The following ULK4 variants were observed in gnomAD, a reference collection of about 807,000 sequenced individuals.
The protein encoded by ULK4 is inactive serine/threonine-protein kinase ULK4.
ULK4 carries 133 observed loss-of-function variants against 160.6 expected under a neutral mutation model. The observed-to-expected ratio is 0.83, with a 90% CI of 0.72 to 0.96. ULK4 has a LOEUF of 0.96. Among genes scored for constraint, ULK4 ranks in the 40% least tolerant of loss-of-function variants. ULK4 has a pLI of 0.00. For synonymous variants in ULK4, 534 were observed against 539.8 expected, an observed-to-expected ratio of 0.99 and a Z score of 0.15; for missense variants, 1,580 against 1,499.5, an observed-to-expected ratio of 1.05 and a Z score of -0.89.
At chr3:41,736,252 C>T (rs2038045699) in intron 22 of ULK4, among the ~76,000 whole-genome samples, 1 of 151,668 alleles carries the variant, frequency 6.6e-6, no homozygotes, top group Non-Finnish European at 1.5e-5. Context: ...TTCTAGATCA[C>T]TGAGGAATCG....
At chr3:41,447,399 A>C (rs1369965095) in intron 34 of ULK4, among the ~76,000 whole-genome samples, 2 of 152,184 alleles carry the variant, frequency 1.3e-5, no homozygotes, top group African/African-American at 4.8e-5. Context: ...ATATCCCGCC[A>C]CATAAATGCA....
At chr3:41,450,003 A>T (rs190877069) in intron 34 of ULK4, among the ~76,000 whole-genome samples, 1 of 151,152 alleles carries the variant, frequency 6.6e-6, no homozygotes, top group South Asian at 2.1e-4. Flanking sequence ...AACAATATAA[A>T]TTAGTCTAAA....
intron 35 of ULK4, among the ~76,000 whole-genome samples, chr3:41,286,018 C>A (rs1355222392): frequency 6.6e-6 from 1 of 152,194 alleles, no homozygotes; most frequent in Non-Finnish European, 1.5e-5. Flanking sequence ...ATTTTATATT[C>A]TTTTTATTGA....
Position 41,918,486 on chromosome 3 carries a change from C to T in ULK4, c.698G>A (p.Cys233Tyr), listed in dbSNP as rs760297546. ...CGGAATAGGTGGCAAAGGATCTTCA[C>T]ATAAGATCTTTTCAGTTAATTCTGA... is the stretch of plus-strand genomic sequence containing the variant. ...SISELTEKIL[C>Y]EDPLPPIPKD... The change falls in exon 7 of 37, where the codon TGT (cysteine) becomes TAT (tyrosine). Residue 233 changes from cysteine (C) to tyrosine (Y), a missense_variant. Transcript: ENST00000301831. 3 of 1,581,586 alleles carry T rather than the reference C, an allele frequency of 1.9e-6. No homozygotes were observed. The highest frequency in any genetic ancestry group is 4.5e-5 in the East Asian group (2 of 44,118).
intron 16 of ULK4, among the ~76,000 whole-genome samples, chr3:41,885,000 G>A (rs1319684372): frequency 2.0e-5 from 3 of 152,086 alleles, no homozygotes; most frequent in East Asian, 1.9e-4. Context: ...GGGACTGTAG[G>A]CATGCACCAC....
intron 17 of ULK4, among the ~76,000 whole-genome samples, chr3:41,845,244 G>A (rs781779899): frequency 2.7e-4 from 41 of 152,228 alleles, no homozygotes; most frequent in Non-Finnish European, 3.4e-4. Context: ...GATTACAGGC[G>A]TGAGCCACCG....
At chr3:41,736,007 C>A (rs948016860) in intron 22 of ULK4, among the ~76,000 whole-genome samples, 4 of 151,640 alleles carry the variant, frequency 2.6e-5, no homozygotes, top group Non-Finnish European at 5.9e-5. Flanking sequence ...CATGTCCCTA[C>A]AAAGGACATG....
intron 27 of ULK4, among the ~76,000 whole-genome samples, chr3:41,697,505 ATGAG>A (rs2036540081): frequency 1.3e-5 from 2 of 152,250 alleles, no homozygotes; most frequent in Admixed American, 6.5e-5. Context: ...GTGTTTTAAA[ATGAG>A]TGTCATTACA....
At chr3:41,957,729 T>A (rs1006459104) in intron 1 of ULK4, among the ~76,000 whole-genome samples, 7 of 148,276 alleles carry the variant, frequency 4.7e-5, no homozygotes, top group African/African-American at 1.2e-4. Context: ...AAAAAAAAAA[T>A]TAAAAATTAA....
chr3:41,845,112 C>T (rs991656821), intron 17 of ULK4, among the ~76,000 whole-genome samples: 8 of 152,004 alleles, frequency 5.3e-5, no homozygotes, highest in Non-Finnish European at 1.0e-4. Flanking sequence ...ACTACAGGCA[C>T]CCACCACCAC....
At chr3:41,790,719 T>C (rs2040124912) in intron 20 of ULK4, among the ~76,000 whole-genome samples, 1 of 152,058 alleles carries the variant, frequency 6.6e-6, no homozygotes, top group Non-Finnish European at 1.5e-5. Context: ...AAGTACACAG[T>C]AGGAAAGAAG....
intron 22 of ULK4, among the ~76,000 whole-genome samples, chr3:41,733,827 C>G (rs1019433536): frequency 4.6e-5 from 7 of 150,584 alleles, no homozygotes; most frequent in African/African-American, 1.7e-4. Flanking sequence ...CTCCACCTCC[C>G]GGGTTCAAGC....
chr3:41,262,287 A>G (rs2078960760), intron 35 of ULK4, among the ~76,000 whole-genome samples: 1 of 152,218 alleles, frequency 6.6e-6, no homozygotes, highest in African/African-American at 2.4e-5. Flanking sequence ...CCAGGGGCCC[A>G]GGTTCCCAAG....
intron 27 of ULK4, among the ~76,000 whole-genome samples, chr3:41,695,194 C>A (rs1339549213): frequency 1.3e-5 from 2 of 152,214 alleles, no homozygotes; most frequent in Admixed American, 1.3e-4. Context: ...TAATCATCTC[C>A]TGAAGTCCCC....
intron 17 of ULK4, among the ~76,000 whole-genome samples, chr3:41,837,209 T>C (rs889813734): frequency 6.6e-6 from 1 of 152,242 alleles, no homozygotes; most frequent in Admixed American, 6.5e-5. Context: ...TACTTGTTAA[T>C]GTGCGATTTA....
At chr3:41,593,958 T>C (rs1163041323) in intron 31 of ULK4, among the ~76,000 whole-genome samples, 2 of 151,618 alleles carry the variant, frequency 1.3e-5, no homozygotes, top group African/African-American at 2.4e-5. Context: ...GGTGGGAAGA[T>C]GGATTGAGCC....
intron 35 of ULK4, among the ~76,000 whole-genome samples, chr3:41,351,526 C>A (rs1337794632): frequency 6.6e-6 from 1 of 152,176 alleles, no homozygotes; most frequent in African/African-American, 2.4e-5. Flanking sequence ...AGGGATTCCA[C>A]AGTGGTTGGT....
chr3:41,631,000 T>C (rs532525128), intron 30 of ULK4, among the ~76,000 whole-genome samples: 2 of 152,352 alleles, frequency 1.3e-5, no homozygotes, highest in Non-Finnish European at 2.9e-5. Context: ...TGAAAATCTC[T>C]AACATCAAGC....
intron 17 of ULK4, among the ~76,000 whole-genome samples, chr3:41,870,758 T>C (rs1409028450): frequency 6.6e-6 from 1 of 152,150 alleles, no homozygotes; most frequent in African/African-American, 2.4e-5. Context: ...GAGGAAGATC[T>C]CCCTCATACA....
Sources: allele counts gnomAD v4.1 joint callset (sites outside exome capture counted in the v4.1 genomes callset), GRCh38; gene constraint gnomAD v4.1.1; transcripts MANE v1.5; gene names NCBI Gene and HGNC (gene_info 2026-07-23, HGNC 2026-07-21).